RPGR: variants seen among roughly 807,000 people sequenced by gnomAD.
RPGR encodes retinitis pigmentosa GTPase regulator, also known as X-linked retinitis pigmentosa GTPase regulator.
A neutral mutation model predicts 56.3 loss-of-function variants in RPGR; 10 were observed. The ratio of observed to expected loss-of-function variants is 0.18; its 90% CI spans 0.11 to 0.30. The LOEUF (loss-of-function observed/expected upper bound fraction) is 0.30. Ranked by LOEUF, RPGR falls within the 10% of genes least tolerant of loss-of-function variation. RPGR has a pLI of 1.00. For missense variants in RPGR, 538 were observed against 590.9 expected (o/e 0.91, Z 0.93); for synonymous variants, 197 against 212.9 (o/e 0.93, Z 0.65).
rs1235746614 is a variant in RPGR at position 38,327,336 on chromosome X, T to C, written c.28+4A>G. On this transcript the variant is annotated splice_donor_region_variant and intron_variant, in intron 1 of 18. Coordinates refer to ENST00000642395, the MANE Select transcript of RPGR (RefSeq NM_000328.3). ...CTTCCGCCACCGGCGCGGGCGCAAC[T>C]CACCGGGCATCAGCTCTTCCGGCTC... 4 of 1,188,142 alleles carry C rather than the reference T, an allele frequency of 3.4e-6. No individual in the cohort carries two copies. The highest frequency in any genetic ancestry group is 4.5e-6 in the Non-Finnish European group (4 of 885,911).
At chrX:38,280,898 A>T (rs757283234) in intron 15 of RPGR, among the ~76,000 whole-genome samples, 2 of 105,193 alleles carry the variant, frequency 1.9e-5, no homozygotes, top group South Asian at 3.9e-4. Context: ...TGATTTAAAT[A>T]AAAAAAAACT....
At chrX:38,307,077 A>T (rs1374246499) in intron 7 of RPGR, among the ~76,000 whole-genome samples, 1 of 112,531 alleles carries the variant, frequency 8.9e-6, no homozygotes, top group Non-Finnish European at 1.9e-5. Context: ...TAATTTGTTA[A>T]CCTGTAGAAA....
chrX:38,292,617 ATTC>A (rs201686655), intron 11 of RPGR, among the ~76,000 whole-genome samples: 6,984 of 112,261 alleles, frequency 0.062, 271 homozygotes, highest in South Asian at 0.14. Context: ...GTAATTGCTA[ATTC>A]TTTTTTATTT....
chrX:38,269,807 G>A lies in RPGR; in HGVS notation c.2267C>T (p.Ser756Leu), dbSNP rs766828733. Residue 756 changes from serine (S) to leucine (L), a missense_variant, in exon 19 of 19, where the codon TCA (serine) becomes TTA (leucine). Physicochemically the swap from Ser to Leu is moderately radical, Grantham distance 145. Coordinates refer to ENST00000642395, the MANE Select transcript of RPGR (RefSeq NM_000328.3). ...ATTCTTGACAATCTTTTGATTTATT[G>A]AGGGGACTCTTTTGAACAGAAAAAT... The A allele has an allele frequency of 1.8e-4, 218 of 1,204,252 alleles. 2 individuals carry two copies. The South Asian group carries it at 3.6e-3, about 20-fold the overall frequency.
rs376945490 is a variant in RPGR at position 38,290,941 on chromosome X, T to C, written c.1572+18A>G. On this transcript the variant is annotated intron_variant, in intron 13 of 18. Coordinates refer to ENST00000642395, the MANE Select transcript of RPGR (RefSeq NM_000328.3). Reference sequence around the variant, plus strand: ...CTGCTCTCACCAACAATAACGAAAATAAATCTTCATATTATACCTTTTGTT... The same window carrying C: ...CTGCTCTCACCAACAATAACGAAAACAAATCTTCATATTATACCTTTTGTT... The C allele has an allele frequency of 1.6e-5, 14 of 895,314 alleles. No homozygotes were observed. Among genetic ancestry groups the C allele is most frequent in the Non-Finnish European group, 2.2e-5 (14 of 633,633 alleles). The allele number at this position is 895,314 out of a possible 1,213,427, so 73.8% of individuals were successfully genotyped here. A position where few individuals can be genotyped will look rare whatever the true frequency, so the allele number is the denominator to read the frequency against.
chrX:38,286,698 T>C, intron 15 of RPGR: 1 of 1,148,153 alleles, frequency 8.7e-7, no homozygotes. Flanking sequence ...CCTTTTCACG[T>C]TCTCCCTCCA....
chrX:38,285,477 C>T lies in RPGR; in HGVS notation c.1905+1617G>A, dbSNP rs2067109976. On this transcript the variant is annotated intron_variant, in intron 15 of 18. Coordinates refer to ENST00000642395, the MANE Select transcript of RPGR (RefSeq NM_000328.3). ...TCAATTTAATAACACGTAATGAGTGCCCGTTATATGCAAGGCATTTAAATT... is the reference window on the plus strand; with the variant it reads ...TCAATTTAATAACACGTAATGAGTGTCCGTTATATGCAAGGCATTTAAATT... 2 of 1,205,476 alleles carry T rather than the reference C, an allele frequency of 1.7e-6. 1 individual carries two copies. The highest frequency in any genetic ancestry group is 3.6e-5 in the South Asian group (2 of 56,105).
Position 38,301,284 on chromosome X carries a change from G to T in RPGR, c.1022C>A (p.Thr341Asn). The T allele has an allele frequency of 8.3e-7, 1 of 1,204,668 alleles. No individual in the cohort carries two copies. Among genetic ancestry groups the T allele is most frequent in the Non-Finnish European group, 1.1e-6 (1 of 889,332 alleles). ...AAACCTCAAAAAATTAGAGCACAAA[G>T]TAGGAATGAAGTGATTGGTAAAATT... Residue 341 changes from threonine to asparagine, a missense_variant, in exon 9 of 19, where the codon ACT becomes AAT. Thr to Asn is a moderately conservative substitution (Grantham distance 65, BLOSUM62 0). This residue lies in a region of RPGR where 181 missense variants were observed against 265.1 expected (regional missense o/e 0.68). Transcript: ENST00000642395.
intron 1 of RPGR, chrX:38,326,021 C>A (rs987888096): frequency 8.9e-6 from 1 of 111,923 alleles, no homozygotes; most frequent in Non-Finnish European, 1.9e-5. Flanking sequence ...CTGTGGACAA[C>A]TTTTTGAGAA....
intron 7 of RPGR, among the ~76,000 whole-genome samples, 169 bp downstream of exon 7, chrX:38,310,446 G>C (rs751950864): frequency 9.0e-6 from 1 of 111,002 alleles, no homozygotes; most frequent in Non-Finnish European, 1.9e-5. Flanking sequence ...TACAATGGTC[G>C]TGCCTATACA....
chrX:38,321,525 A>T lies in RPGR; in HGVS notation c.248-436T>A, dbSNP rs761411834. On this transcript the variant is annotated intron_variant, in intron 3 of 18. Coordinates refer to ENST00000642395, the MANE Select transcript of RPGR (RefSeq NM_000328.3). ...AAAAATTAGCTGGGTGTGGTGATGC[A>T]TGCCTGTAGTTGCAGCTATTCGGGG... Among the ~76,000 whole-genome samples, 10 of 110,244 alleles carry T rather than the reference A, an allele frequency of 9.1e-5. No individual in the cohort carries two copies. The East Asian group carries it at 2.9e-3, about 32-fold the overall frequency.
At chrX:38,303,389 T>C (rs911893234) in intron 8 of RPGR, among the ~76,000 whole-genome samples, 2 of 112,019 alleles carry the variant, frequency 1.8e-5, no homozygotes, top group Admixed American at 9.5e-5. Flanking sequence ...ACAAAGTTAA[T>C]GTTCAATTAT....
intron 13 of RPGR, among the ~76,000 whole-genome samples, chrX:38,290,005 GCTT>G (rs1242117267): frequency 1.8e-5 from 2 of 111,872 alleles, no homozygotes; most frequent in Admixed American, 1.9e-4. Flanking sequence ...TATTCATTGA[GCTT>G]CTACAACTGT....
At chrX:38,304,217 A>AT (rs1326352664) in intron 8 of RPGR, among the ~76,000 whole-genome samples, 3 of 112,044 alleles carry the variant, frequency 2.7e-5, no homozygotes, top group African/African-American at 9.7e-5. Flanking sequence ...TGGCAAAAAC[A>AT]TAACAACTGA....
chrX:38,287,890 G>C lies in RPGR; in HGVS notation c.1724C>G (p.Thr575Ser). ...TTCCTCATCTGAAAATGCTTCGATA[G>C]TCGTAGCTGGCTGCGTCATGAAAAT... is the stretch of plus-strand genomic sequence containing the variant. Residue 575 changes from threonine (T) to serine (S), a missense_variant, in exon 14 of 19, where the codon ACT (threonine) becomes AGT (serine). Physicochemically the swap from Thr to Ser is moderately conservative, Grantham distance 58 (BLOSUM62 1). Transcript: ENST00000642395. 1 of 1,210,905 alleles carries C rather than the reference G, an allele frequency of 8.3e-7. No homozygotes were observed. Among genetic ancestry groups the C allele is most frequent in the Non-Finnish European group, 1.1e-6 (1 of 894,986 alleles).
intron 11 of RPGR, among the ~76,000 whole-genome samples, chrX:38,293,092 A>G (rs1406289840): frequency 8.9e-6 from 1 of 112,178 alleles, no homozygotes; most frequent in East Asian, 2.8e-4. Context: ...TCCAGTGTCA[A>G]TCTTAGGTCT....
Position 38,320,757 on chromosome X carries a change from G to A in RPGR, c.310+270C>T, listed in dbSNP as rs5917198. 0.15 allele frequency among the ~76,000 whole-genome samples: 16,704 copies of A among 112,090 alleles called. 1,107 individuals are homozygous for A. Among genetic ancestry groups the A allele is most frequent in the Middle Eastern group, 0.27 (59 of 217 alleles). On this transcript the variant is annotated intron_variant, in intron 4 of 18. Coordinates refer to ENST00000642395, the MANE Select transcript of RPGR (RefSeq NM_000328.3). ...CTTAGTAAGGAAGAGAGAAGAGCAA[G>A]AACAGGAATAACCAGCCCTTAAGGT...
Position 38,298,995 on chromosome X carries a change from C to A in RPGR, c.1206G>T (p.Leu402=). 8.3e-7 allele frequency: 1 copy of A among 1,211,823 alleles called. No individual in the cohort carries two copies. ...GCATACGTGCTGATAGAGTCCTCTG[C>A]AGTACATTTCCTGAGGTTAAACTGC... is the stretch of plus-strand genomic sequence containing the variant. Residue 402 remains leucine, a synonymous_variant, in exon 10 of 19, where the codon CTG becomes CTT. Coordinates refer to ENST00000642395, the MANE Select transcript of RPGR (RefSeq NM_000328.3).
rs1243563450 is a variant in RPGR at position 38,308,134 on chromosome X, T to C, written c.778+2481A>G. On this transcript the variant is annotated intron_variant, in intron 7 of 18. Transcript: ENST00000642395. ...TTCTCCTGTATTCCCCCATTCAATG[T>C]TGGCTGCCACAATCAGAAAGGAAAT... The C allele has an allele frequency of 4.5e-5, 5 of 111,873 alleles. No individual in the cohort carries two copies. In the Admixed American group the frequency reaches 4.8e-4, roughly 11 times the overall value. 9.2% of individuals were successfully genotyped at this position (111,873 alleles called of 1,213,427 possible).
Sources: allele counts gnomAD v4.1 joint callset (sites outside exome capture counted in the v4.1 genomes callset), GRCh38; gene constraint gnomAD v4.1.1; regional missense constraint gnomAD v4.1.1; transcripts MANE v1.5; gene names NCBI Gene and HGNC (gene_info 2026-07-23, HGNC 2026-07-21).